The following HAS3 variants were observed in gnomAD, a reference collection of about 807,000 sequenced individuals.
The protein encoded by HAS3 is hyaluronan synthase 3, also known as HA synthase 3.
In HAS3, 27 loss-of-function variants were observed where a neutral mutation model predicts 50.3. The observed-to-expected ratio is 0.54, with a 90% CI of 0.40 to 0.74. The LOEUF is 0.74. Among genes scored for constraint, HAS3 ranks in the 30% least tolerant of loss-of-function variants. HAS3 has a pLI of 0.00. For missense variants in HAS3, 517 were observed against 742.8 expected (o/e 0.70, Z 3.53); for synonymous variants, 339 against 310.9 (o/e 1.09, Z -0.95).
chr16:69,098,514 A>T, the HAS3 span, among the ~76,000 whole-genome samples: 1 of 152,136 alleles, frequency 6.6e-6, no homozygotes, highest in East Asian at 1.9e-4. Context: ...AGTAGCTGGG[A>T]CGACATGCAC....
chr16:69,107,518 G>T lies in HAS3; in HGVS notation c.-1+1731G>T, dbSNP rs541288364. 2 of 985,486 alleles carry T rather than the reference G, an allele frequency of 2.0e-6. No individual in the cohort carries two copies. Among genetic ancestry groups the T allele is most frequent in the Non-Finnish European group, 2.4e-6 (2 of 830,084 alleles). 61.0% of individuals were successfully genotyped at this position (985,486 alleles called of 1,614,324 possible). On this transcript the variant is annotated intron_variant, in intron 1 of 3. Transcript: ENST00000569188. This position sits in a 1 kb window ranked among gnomAD's most constrained non-coding sequence, Gnocchi z 5.5. The stretch of plus-strand genomic sequence containing the variant: ...CCGCCTTTGCCAAGAGGCGAGGCTC[G>T]AGCGGGGATGAGAAGCGTGGCGAGT...
chr16:69,087,273 G>T, the HAS3 span, among the ~76,000 whole-genome samples: 256 of 152,310 alleles, frequency 1.7e-3, no homozygotes, highest in Non-Finnish European at 2.9e-3. Context: ...GGATGGCTCA[G>T]CCACAGGAGA....
At position 69,109,626 on chromosome 16, in the gene HAS3, G is replaced by T. The variant is rs1226039843; in HGVS notation, c.231G>T (p.Leu77=). Residue 77 remains leucine, a synonymous_variant, in exon 2 of 4, where the codon CTG becomes CTT. Coordinates refer to ENST00000569188, the MANE Select transcript of HAS3 (RefSeq NM_001199280.2). The surrounding 1 kb of genome is among the most constrained non-coding windows in gnomAD (Gnocchi z 5.3). ...HRRMRRAGQA[L]KLPSPRRGSV... is the part of the protein sequence containing the mutation. ...GCATGCGACGTGCCGGCCAGGCCCT[G>T]AAGCTGCCCTCCCCGCGGCGGGGCT... 1.2e-6 allele frequency: 2 copies of T among 1,611,532 alleles called. No individual in the cohort carries two copies. The highest frequency in any genetic ancestry group is 4.5e-5 in the East Asian group (2 of 44,866).
At position 69,113,518 on chromosome 16, in the gene HAS3, AG is replaced by A; in HGVS notation, c.719del (p.Gly240GlufsTer19). On this transcript the variant is annotated frameshift_variant, in exon 3 of 4. Coordinates refer to ENST00000569188, the MANE Select transcript of HAS3 (RefSeq NM_001199280.2). LOFTEE classifies it high-confidence loss of function. ...LRVLEEDPQV[G>X]GVGGDVQILN... ...GAGTCCTGGAGGAGGATCCCCAAGT[AG>A]GGGGAGTCGGGGGAGATGTCCAGGT... The A allele has an allele frequency of 6.2e-7, 1 of 1,610,156 alleles. No homozygotes were observed. The highest frequency in any genetic ancestry group is 8.5e-7 in the Non-Finnish European group (1 of 1,176,756).
intron 2 of HAS3, among the ~76,000 whole-genome samples, chr16:69,113,173 A>G (rs890720224): frequency 6.6e-6 from 1 of 152,172 alleles, no homozygotes; most frequent in Non-Finnish European, 1.5e-5. Flanking sequence ...AGTGCTAAGC[A>G]TGTCTCTCTC....
At chr16:69,094,980 CTTT>C in the HAS3 span, among the ~76,000 whole-genome samples, 2 of 124,918 alleles carry the variant, frequency 1.6e-5, no homozygotes, top group Non-Finnish European at 1.7e-5. Flanking sequence ...CCATTGTTAA[CTTT>C]TTTTTTTTTT....
intron 2 of HAS3, among the ~76,000 whole-genome samples, chr16:69,111,170 T>TA (rs1164816759): frequency 7.7e-6 from 1 of 129,084 alleles, no homozygotes; most frequent in East Asian, 2.2e-4. Flanking sequence ...TTTTTTTTTT[T>TA]TTTTTTTTTT....
upstream of HAS3, among the ~76,000 whole-genome samples, chr16:69,101,788 CTT>C (rs35588789): frequency 3.4e-5 from 4 of 118,378 alleles, no homozygotes; most frequent in Admixed American, 2.5e-4. Flanking sequence ...TACTTGTACT[CTT>C]TTTTTTTTTT....
rs1960945750 is a variant in HAS3 at position 69,110,025 on chromosome 16, C to T, written c.630C>T (p.Tyr210=). The T allele has an allele frequency of 6.2e-7, 1 of 1,604,920 alleles. No homozygotes were observed. The highest frequency in any genetic ancestry group is 1.3e-5 in the African/African-American group (1 of 74,798). Residue 210 remains tyrosine (Y), a synonymous_variant, in exon 2 of 4, where the codon TAC becomes TAT. Coordinates refer to ENST00000569188, the MANE Select transcript of HAS3 (RefSeq NM_001199280.2). ...AGGCCCTCGGCGATTCGGTGGACTA[C>T]ATCCAGGTAAGGGCGCCTCCCTAGG... ...AFKALGDSVD[Y]IQVCDSDTVL...
chr16:69,112,312 G>T (rs775735211), intron 2 of HAS3, among the ~76,000 whole-genome samples: 21 of 152,222 alleles, frequency 1.4e-4, no homozygotes, highest in Non-Finnish European at 2.8e-4. Context: ...CCCTTCCCAG[G>T]CATGGACCAG....
At chr16:69,087,360 C>A in the HAS3 span, among the ~76,000 whole-genome samples, 1 of 152,244 alleles carries the variant, frequency 6.6e-6, no homozygotes, top group Non-Finnish European at 1.5e-5. Flanking sequence ...TCAGGTTAGA[C>A]TTCCTGAACA....
the HAS3 span, among the ~76,000 whole-genome samples, chr16:69,098,554 T>C: frequency 1.4e-4 from 22 of 151,906 alleles, no homozygotes; most frequent in Non-Finnish European, 1.8e-4. Flanking sequence ...TAAAATACCT[T>C]TTTATTACAA....
At position 69,109,452 on chromosome 16, in the gene HAS3, G is replaced by A. The variant is rs1187384564; in HGVS notation, c.57G>A (p.Leu19=). Residue 19 remains leucine, a synonymous_variant, in exon 2 of 4, where the codon CTG becomes CTA. Coordinates refer to ENST00000569188, the MANE Select transcript of HAS3 (RefSeq NM_001199280.2). This position sits in a 1 kb window ranked among gnomAD's most constrained non-coding sequence, Gnocchi z 5.3. ...TGGTGGGCACCAGCCTGTTTGCCCT[G>A]GCAGTGCTGGGTGGCATCCTGGCAG... ...LRVVGTSLFA[L]AVLGGILAAY... is the part of the protein sequence containing the mutation. The A allele has an allele frequency of 1.2e-6, 2 of 1,613,200 alleles. No individual in the cohort carries two copies. Among genetic ancestry groups the A allele is most frequent in the South Asian group, 1.1e-5 (1 of 91,068 alleles).
the HAS3 span, among the ~76,000 whole-genome samples, chr16:69,090,834 A>C: frequency 6.6e-6 from 1 of 152,142 alleles, no homozygotes; most frequent in Non-Finnish European, 1.5e-5. Flanking sequence ...CGGCCTCCCA[A>C]AGTGCTGGGA....
the HAS3 span, among the ~76,000 whole-genome samples, chr16:69,086,240 C>T: frequency 6.6e-6 from 1 of 151,860 alleles, no homozygotes; most frequent in Non-Finnish European, 1.5e-5. Flanking sequence ...ATAATCATAC[C>T]TCACTGCAGC....
rs763591786 is a variant in HAS3 at position 69,116,341 on chromosome 16, A to G, written c.*1075A>G. ...CAGGAGGCAAGCGTGTTCTCAGCAC[A>G]TATGGGAACTATGAGGAGCCTCTGA... On this transcript the variant is annotated 3_prime_UTR_variant, in exon 4 of 4. Coordinates refer to ENST00000569188, the MANE Select transcript of HAS3 (RefSeq NM_001199280.2). 3.0e-6 allele frequency: 3 copies of G among 985,774 alleles called. No homozygotes were observed. The highest frequency in any genetic ancestry group is 9.4e-5 in the South Asian group (2 of 21,292). The allele number at this position is 985,774 out of a possible 1,614,324, so 61.1% of individuals were successfully genotyped here. A position where few individuals can be genotyped will look rare whatever the true frequency, so the allele number is the denominator to read the frequency against.
the HAS3 span, among the ~76,000 whole-genome samples, chr16:69,097,441 T>TGGCTCCCC: frequency 7.3e-6 from 1 of 137,336 alleles, no homozygotes; most frequent in Non-Finnish European, 1.6e-5. Flanking sequence ...AGCGAGACTC[T>TGGCTCCCC]TTCTCCAAAA....
rs1206202187 is a variant in HAS3, at chr16:69,114,704, A to G, written c.1100A>G (p.Tyr367Cys). ...AAGTCTTACTTCCGGGAGTGGCTCT[A>G]CAACTCTCTGTGGTTCCATAAGCAC... is the stretch of plus-strand genomic sequence containing the variant. ...WSKSYFREWL[Y>C]NSLWFHKHHL... The change falls in exon 4 of 4, where the codon TAC (tyrosine) becomes TGC (cysteine). Residue 367 changes from tyrosine (Y) to cysteine (C), a missense_variant. Coordinates refer to ENST00000569188, the MANE Select transcript of HAS3 (RefSeq NM_001199280.2). This position sits in a 1 kb window ranked among gnomAD's most constrained non-coding sequence, Gnocchi z 6.4. 1 of 1,614,100 alleles carries G rather than the reference A, an allele frequency of 6.2e-7. No individual in the cohort carries two copies. The highest frequency in any genetic ancestry group is 8.5e-7 in the Non-Finnish European group (1 of 1,180,024).
At chr16:69,099,860 A>G in the HAS3 span, among the ~76,000 whole-genome samples, 5 of 151,992 alleles carry the variant, frequency 3.3e-5, no homozygotes, top group Non-Finnish European at 5.9e-5. Context: ...GGGAGAGAAA[A>G]GAAAGATGGC....
Sources: allele counts gnomAD v4.1 joint callset (sites outside exome capture counted in the v4.1 genomes callset), GRCh38; gene constraint gnomAD v4.1.1; non-coding constraint Gnocchi (gnomAD v3.1); transcripts MANE v1.5; gene names NCBI Gene and HGNC (gene_info 2026-07-23, HGNC 2026-07-21).